CTNNA3: variants seen among roughly 807,000 people sequenced by gnomAD.
CTNNA3 encodes the protein catenin alpha-3.
Under a neutral mutation model 95.7 loss-of-function variants are expected in CTNNA3, and 76 were observed. The ratio of observed to expected loss-of-function variants is 0.79; its 90% CI spans 0.66 to 0.96. CTNNA3 has a LOEUF of 0.96. Among genes scored for constraint, CTNNA3 ranks in the 40% least tolerant of loss-of-function variants. The probability of loss-of-function intolerance (pLI) is 0.00; values close to 1 mark genes in which losing one functional copy is unlikely to be tolerated. For missense variants in CTNNA3, 1,191 were observed against 1,089.8 expected (o/e 1.09, Z -1.31); for synonymous variants, 431 against 374.4 (o/e 1.15, Z -1.74).
At chr10:66,752,595 T>C (rs1398537201) in intron 9 of CTNNA3, among the ~76,000 whole-genome samples, 1 of 152,068 alleles carries the variant, frequency 6.6e-6, no homozygotes, top group East Asian at 1.9e-4. Flanking sequence ...TCATTGAAAT[T>C]AAATGTTCTG....
chr10:67,450,647 G>C (rs984477475), intron 5 of CTNNA3, among the ~76,000 whole-genome samples: 2 of 152,056 alleles, frequency 1.3e-5, no homozygotes, highest in African/African-American at 4.8e-5. Context: ...GAGAGTAGGA[G>C]GAGGGAGAGA....
chr10:67,046,988 G>C (rs1191253768), intron 7 of CTNNA3, among the ~76,000 whole-genome samples: 1 of 152,130 alleles, frequency 6.6e-6, no homozygotes, highest in Non-Finnish European at 1.5e-5. Flanking sequence ...GGGTAGAAAA[G>C]AAATAGTCTA....
At chr10:66,413,509 G>T (rs2093124002) in intron 11 of CTNNA3, among the ~76,000 whole-genome samples, 2 of 152,168 alleles carry the variant, frequency 1.3e-5, no homozygotes, top group South Asian at 4.1e-4. Flanking sequence ...TTAAAAACAG[G>T]TGGGAATTAG....
At chr10:66,941,995 C>T (rs1016317509) in intron 7 of CTNNA3, among the ~76,000 whole-genome samples, 1 of 152,058 alleles carries the variant, frequency 6.6e-6, no homozygotes, top group Admixed American at 6.6e-5. Flanking sequence ...ATCCACTAGA[C>T]CTGAAGTTAA....
intron 13 of CTNNA3, among the ~76,000 whole-genome samples, chr10:66,155,742 A>C (rs2133917475): frequency 6.6e-6 from 1 of 152,088 alleles, no homozygotes; most frequent in African/African-American, 2.4e-5. Context: ...ATAAAACAAT[A>C]AAGCTTTTAG....
intron 7 of CTNNA3, among the ~76,000 whole-genome samples, chr10:67,011,947 C>A (rs1193724792): frequency 6.6e-6 from 1 of 152,102 alleles, no homozygotes; most frequent in African/African-American, 2.4e-5. Context: ...CCCAGGAGTA[C>A]CCATCCATGG....
At chr10:66,120,914 T>C (rs1357417956) in intron 13 of CTNNA3, among the ~76,000 whole-genome samples, 1 of 152,220 alleles carries the variant, frequency 6.6e-6, no homozygotes, top group East Asian at 1.9e-4. Flanking sequence ...TGTGCACTCC[T>C]TGTTGTCCCC....
intron 9 of CTNNA3, among the ~76,000 whole-genome samples, chr10:66,680,142 C>T (rs1847013917): frequency 6.6e-6 from 1 of 151,520 alleles, no homozygotes. Flanking sequence ...GGACTACAAG[C>T]ACATGCCACC....
chr10:66,444,050 G>A (rs894064537), intron 11 of CTNNA3, among the ~76,000 whole-genome samples: 5 of 152,098 alleles, frequency 3.3e-5, no homozygotes, highest in Non-Finnish European at 5.9e-5. Context: ...GAGCCGATGC[G>A]ATCAACTGGA....
At chr10:67,286,158 A>T (rs1317128177) in intron 5 of CTNNA3, among the ~76,000 whole-genome samples, 1 of 152,238 alleles carries the variant, frequency 6.6e-6, no homozygotes, top group Non-Finnish European at 1.5e-5. Flanking sequence ...AAATGAAGAC[A>T]TCTGCCTTCT....
chr10:67,371,108 C>A (rs575035890), intron 5 of CTNNA3, among the ~76,000 whole-genome samples: 1 of 151,608 alleles, frequency 6.6e-6, no homozygotes, highest in African/African-American at 2.4e-5. Flanking sequence ...CCTCTTGATC[C>A]GCCCGCCTCG....
chr10:66,227,304 T>A (rs1045360176), intron 13 of CTNNA3, among the ~76,000 whole-genome samples: 1 of 152,084 alleles, frequency 6.6e-6, no homozygotes, highest in East Asian at 1.9e-4. Context: ...TTCAGTATAT[T>A]AGCTGTGGTT....
chr10:66,523,842 G>A (rs1398666816), intron 10 of CTNNA3, among the ~76,000 whole-genome samples: 1 of 152,098 alleles, frequency 6.6e-6, no homozygotes, highest in Non-Finnish European at 1.5e-5. Context: ...ATGCCGAAGT[G>A]ATCATGCCCC....
intron 10 of CTNNA3, among the ~76,000 whole-genome samples, chr10:66,621,343 G>C (rs1177087443): frequency 6.6e-6 from 1 of 151,934 alleles, no homozygotes; most frequent in Non-Finnish European, 1.5e-5. Flanking sequence ...AAACATTTTG[G>C]CTGGGCACGG....
chr10:67,609,103 A>AAAC (rs1403681263), intron 2 of CTNNA3, among the ~76,000 whole-genome samples: 1 of 151,870 alleles, frequency 6.6e-6, no homozygotes, highest in African/African-American at 2.4e-5. Context: ...AAAAAAAAAA[A>AAAC]AAAAAAACAA....
intron 11 of CTNNA3, among the ~76,000 whole-genome samples, chr10:66,411,606 T>G (rs768429529): frequency 1.3e-5 from 2 of 152,044 alleles, no homozygotes; most frequent in African/African-American, 4.8e-5. Context: ...GTGCTGAACA[T>G]GAAAGACAAA....
At chr10:67,540,264 T>C (rs1292048818) in intron 3 of CTNNA3, among the ~76,000 whole-genome samples, 1 of 152,030 alleles carries the variant, frequency 6.6e-6, no homozygotes, top group Non-Finnish European at 1.5e-5. Context: ...TATTCTTTCA[T>C]TGTTTTAAGT....
rs2090649126 is a variant in CTNNA3, at chr10:66,253,701, G to A, written c.1884+26769C>T. 2.0e-5 allele frequency among the ~76,000 whole-genome samples: 3 copies of A among 152,244 alleles called. No individual in the cohort carries two copies. In the South Asian group the frequency reaches 6.2e-4, roughly 32 times the overall value. ...ATATGTCTTTGTGGTGTATGCATGT[G>A]TGTTTCTGTGTGTGTGCACGTTGTG... is the stretch of plus-strand genomic sequence containing the variant. On this transcript the variant is annotated intron_variant, in intron 13 of 17. Transcript: ENST00000433211.
chr10:66,386,181 T>C (rs1482192692), intron 11 of CTNNA3, among the ~76,000 whole-genome samples: 2 of 152,236 alleles, frequency 1.3e-5, no homozygotes, highest in Non-Finnish European at 2.9e-5. Context: ...GAGATGATTG[T>C]ACTTTTAGAA....
Sources: gnomAD v4.1 joint callset for allele counts (sites outside exome capture counted in the v4.1 genomes callset) on GRCh38, gnomAD v4.1.1 for gene constraint, MANE v1.5 for transcripts, NCBI Gene and HGNC (gene_info 2026-07-23, HGNC 2026-07-21) for gene names.